Variants in ZNF385D observed in about 807,000 individuals in gnomAD.
The protein encoded by ZNF385D is zinc finger protein 385D.
A neutral mutation model predicts 35.8 loss-of-function variants in ZNF385D; 15 were observed. The observed-to-expected ratio is 0.42, with a 90% CI of 0.28 to 0.64. The LOEUF is 0.64. Ranked by LOEUF, ZNF385D falls within the 30% of genes least tolerant of loss-of-function variation. ZNF385D has a pLI of 0.23. For synonymous variants in ZNF385D, 212 were observed against 186.8 expected, an observed-to-expected ratio of 1.13 and a Z score of -1.10; for missense variants, 474 against 494.6, an observed-to-expected ratio of 0.96 and a Z score of 0.39.
At chr3:22,141,058 G>A (rs1474763887) in intron 3 of ZNF385D, among the ~76,000 whole-genome samples, 1 of 152,166 alleles carries the variant, frequency 6.6e-6, no homozygotes, top group African/African-American at 2.4e-5. Context: ...AATTCTCAGA[G>A]ATTAAGAGAT....
intron 3 of ZNF385D, among the ~76,000 whole-genome samples, chr3:22,091,882 T>C (rs1701351739): frequency 1.3e-5 from 2 of 152,206 alleles, no homozygotes; most frequent in Non-Finnish European, 2.9e-5. Flanking sequence ...ACTTGGTCTT[T>C]ATTTCATAGA....
chr3:22,008,002 A>G (rs1314213941), intron 3 of ZNF385D, among the ~76,000 whole-genome samples: 2 of 151,940 alleles, frequency 1.3e-5, no homozygotes, highest in East Asian at 3.9e-4. Flanking sequence ...TAGAACTTGT[A>G]TAGTTTCTTT....
rs148793511 is a variant in ZNF385D at position 21,807,870 on chromosome 3, C to A, written c.326-142842G>T. ...AGTGTCATAGTTACCTAGTTGCTTA[C>A]CCTAAATTCAAAGTCTGCATTATTT... is the stretch of plus-strand genomic sequence containing the variant. On this transcript the variant is annotated intron_variant, in intron 3 of 5. Transcript: ENST00000494108. Among the ~76,000 whole-genome samples, 226 of 152,180 alleles carry A rather than the reference C, an allele frequency of 1.5e-3. 1 individual carries two copies. The highest frequency in any genetic ancestry group is 5.1e-3 in the African/African-American group (213 of 41,512).
At chr3:21,496,388 T>C (rs1168839739) in intron 4 of ZNF385D, among the ~76,000 whole-genome samples, 1 of 146,262 alleles carries the variant, frequency 6.8e-6, no homozygotes, top group Non-Finnish European at 1.5e-5. Context: ...ATTTGATATA[T>C]ATATCATATA....
intron 2 of ZNF385D, among the ~76,000 whole-genome samples, chr3:21,601,271 T>C (rs1433724118): frequency 1.3e-5 from 2 of 152,194 alleles, no homozygotes; most frequent in African/African-American, 4.8e-5. Context: ...AAAGCAGATG[T>C]TAAACCATAG....
chr3:22,107,167 G>A (rs1006145622), intron 3 of ZNF385D, among the ~76,000 whole-genome samples: 4 of 151,742 alleles, frequency 2.6e-5, no homozygotes, highest in African/African-American at 9.7e-5. Flanking sequence ...GGGATTACAG[G>A]CATGTGCCAC....
chr3:21,999,041 T>G (rs1194946788), intron 3 of ZNF385D, among the ~76,000 whole-genome samples: 1 of 152,232 alleles, frequency 6.6e-6, no homozygotes, highest in Non-Finnish European at 1.5e-5. Flanking sequence ...AAGGCTTTAC[T>G]ACACCTCCTA....
intron 3 of ZNF385D, among the ~76,000 whole-genome samples, chr3:22,060,907 T>C (rs746025993): frequency 5.3e-5 from 8 of 152,082 alleles, no homozygotes; most frequent in Non-Finnish European, 1.2e-4. Flanking sequence ...TAGAAAAATC[T>C]ATAAAAAATT....
chr3:21,822,074 A>ATT (rs201376551), intron 3 of ZNF385D, among the ~76,000 whole-genome samples: 1 of 151,598 alleles, frequency 6.6e-6, no homozygotes, highest in African/African-American at 2.4e-5. Flanking sequence ...AGTTAAAATA[A>ATT]TTTTTTTTCT....
chr3:21,730,266 G>A (rs549889356), intron 1 of ZNF385D, among the ~76,000 whole-genome samples: 6 of 152,256 alleles, frequency 3.9e-5, no homozygotes, highest in South Asian at 4.2e-4. Context: ...AAACACAGAT[G>A]AGCCTTAACC....
At chr3:22,182,649 C>G (rs909002828) in intron 2 of ZNF385D, among the ~76,000 whole-genome samples, 1 of 151,600 alleles carries the variant, frequency 6.6e-6, no homozygotes, top group Non-Finnish European at 1.5e-5. Flanking sequence ...AGGTAGTATT[C>G]ATTTTTCACT....
At position 21,665,035 on chromosome 3, in the gene ZNF385D, A is replaced by G. The variant is rs1228877854; in HGVS notation, c.23-7T>C. ...GGACTCTGGCATGTACCACCTGTGAAGACCAGAGCAAAGGGAGCAATCAGG... is the reference window on the plus strand; with the variant it reads ...GGACTCTGGCATGTACCACCTGTGAGGACCAGAGCAAAGGGAGCAATCAGG... On this transcript the variant is annotated splice_region_variant and splice_polypyrimidine_tract_variant and intron_variant, in intron 1 of 7. Coordinates refer to ENST00000281523, the MANE Select transcript of ZNF385D (RefSeq NM_024697.3). 4 of 1,598,190 alleles carry G rather than the reference A, an allele frequency of 2.5e-6. No individual in the cohort carries two copies. The highest frequency in any genetic ancestry group is 3.4e-6 in the Non-Finnish European group (4 of 1,172,484).
At chr3:21,941,277 T>C (rs993262821) in intron 3 of ZNF385D, among the ~76,000 whole-genome samples, 1 of 152,116 alleles carries the variant, frequency 6.6e-6, no homozygotes, top group Non-Finnish European at 1.5e-5. Flanking sequence ...TGGGGAAATT[T>C]TGTTATTATG....
intron 3 of ZNF385D, among the ~76,000 whole-genome samples, chr3:22,152,312 T>C (rs1221133840): frequency 6.6e-6 from 1 of 152,174 alleles, no homozygotes; most frequent in Non-Finnish European, 1.5e-5. Flanking sequence ...GGAGGGTGAG[T>C]ACTTGCTTGA....
chr3:21,455,751 A>T (rs1702766124), intron 4 of ZNF385D, among the ~76,000 whole-genome samples: 1 of 152,180 alleles, frequency 6.6e-6, no homozygotes, highest in Admixed American at 6.5e-5. Context: ...GACCTAATTA[A>T]ACTAAAGAGC....
chr3:22,348,684 AAGGGAGGG>A (rs545721396), intron 2 of ZNF385D, among the ~76,000 whole-genome samples: 6 of 139,314 alleles, frequency 4.3e-5, no homozygotes, highest in East Asian at 5.0e-4. Flanking sequence ...GAAAGAAAGG[AAGGGAGGG>A]AGGGAGGGAG....
chr3:21,487,175 A>G (rs1267879989), intron 4 of ZNF385D, among the ~76,000 whole-genome samples: 1 of 152,120 alleles, frequency 6.6e-6, no homozygotes, highest in Non-Finnish European at 1.5e-5. Flanking sequence ...ATTTTAGGAC[A>G]ACTCGCACTT....
chr3:21,962,549 A>C (rs1702655625), intron 3 of ZNF385D, among the ~76,000 whole-genome samples: 1 of 152,212 alleles, frequency 6.6e-6, no homozygotes, highest in African/African-American at 2.4e-5. Flanking sequence ...AGAGAGAATT[A>C]GTTTCCTTCT....
chr3:21,873,097 A>C (rs572497425), intron 3 of ZNF385D, among the ~76,000 whole-genome samples: 1 of 152,182 alleles, frequency 6.6e-6, no homozygotes, highest in Non-Finnish European at 1.5e-5. Context: ...AGTGGATTTT[A>C]TAAACTTTAA....
Sources: gnomAD v4.1 joint callset for allele counts (sites outside exome capture counted in the v4.1 genomes callset) on GRCh38, gnomAD v4.1.1 for gene constraint, MANE v1.5 for transcripts, NCBI Gene and HGNC (gene_info 2026-07-23, HGNC 2026-07-21) for gene names.